The following ZFHX3 variants were observed in gnomAD, a reference collection of about 807,000 sequenced individuals.
ZFHX3 encodes zinc finger homeobox 3.
A neutral mutation model predicts 279.1 loss-of-function variants in ZFHX3; 42 were observed. The ratio of observed to expected loss-of-function variants is 0.15; its 90% CI spans 0.12 to 0.19. ZFHX3 has a LOEUF of 0.19. Ranked by LOEUF, ZFHX3 falls within the 10% of genes least tolerant of loss-of-function variation. ZFHX3 has a pLI of 1.00. For missense variants in ZFHX3, 4,981 were observed against 4,754.0 expected, an observed-to-expected ratio of 1.05 and a Z score of -1.40; for synonymous variants, 2,293 against 1,957.8, an observed-to-expected ratio of 1.17 and a Z score of -4.52.
chr16:73,104,647 G>A (rs1597157847), intron 7 of ZFHX3, among the ~76,000 whole-genome samples: 2 of 152,274 alleles, frequency 1.3e-5, no homozygotes, highest in Admixed American at 6.5e-5. Flanking sequence ...TAGTTCACAG[G>A]CTTAGCTGTA....
At chr16:73,094,871 G>C (rs912701405) in intron 7 of ZFHX3, among the ~76,000 whole-genome samples, 1 of 151,970 alleles carries the variant, frequency 6.6e-6, no homozygotes, top group East Asian at 1.9e-4. Context: ...CGTCATGTCC[G>C]GCTAATTTTT....
At chr16:72,906,963 G>A (rs998638132) in intron 3 of ZFHX3, among the ~76,000 whole-genome samples, 1 of 152,218 alleles carries the variant, frequency 6.6e-6, no homozygotes, top group Non-Finnish European at 1.5e-5. Flanking sequence ...CATGCTACAA[G>A]TTTTTATGTG....
chr16:72,886,523 C>A (rs979570039), intron 4 of ZFHX3, among the ~76,000 whole-genome samples: 4 of 152,118 alleles, frequency 2.6e-5, no homozygotes, highest in Non-Finnish European at 5.9e-5. Context: ...GGTGAAATGG[C>A]AGCTGTACAC....
chr16:73,884,118 T>C (rs1206375521), intron 1 of ZFHX3, among the ~76,000 whole-genome samples: 2 of 152,206 alleles, frequency 1.3e-5, no homozygotes, highest in Non-Finnish European at 2.9e-5. Flanking sequence ...AGAGCTTGCA[T>C]ATTTTTATAC....
At chr16:73,580,129 T>C (rs1269460588) in intron 2 of ZFHX3, among the ~76,000 whole-genome samples, 1 of 151,620 alleles carries the variant, frequency 6.6e-6, no homozygotes, top group African/African-American at 2.4e-5. Flanking sequence ...CTTAAAATAG[T>C]GATCATATAA....
intron 5 of ZFHX3, among the ~76,000 whole-genome samples, chr16:73,169,638 G>A (rs143923684): frequency 5.3e-5 from 8 of 150,948 alleles, no homozygotes; most frequent in African/African-American, 1.7e-4. Flanking sequence ...CAGCCTGGGC[G>A]ACAGAGTGAG....
chr16:73,046,803 C>A (rs948570234), intron 1 of ZFHX3, among the ~76,000 whole-genome samples: 39 of 151,620 alleles, frequency 2.6e-4, no homozygotes, highest in African/African-American at 8.5e-4. Flanking sequence ...GAAGGAGAGG[C>A]CTTCCTTCTG....
intron 3 of ZFHX3, among the ~76,000 whole-genome samples, chr16:73,445,740 T>TGCCTGTGCCTGCGGTAGGCAGGAAGCA (rs2018175815): frequency 6.6e-6 from 1 of 152,218 alleles, no homozygotes; most frequent in African/African-American, 2.4e-5. Flanking sequence ...GCTGCTGCAC[T>TGCCTGTGCCTGCGGTAGGCAGGAAGCA]GCCTGTGCCT....
chr16:73,717,926 T>C (rs1022136942), intron 1 of ZFHX3, among the ~76,000 whole-genome samples: 3 of 152,214 alleles, frequency 2.0e-5, no homozygotes, highest in African/African-American at 7.2e-5. Context: ...CAGCCATCAC[T>C]ATGCAGAATG....
chr16:73,599,059 C>T (rs1453887269), intron 2 of ZFHX3, among the ~76,000 whole-genome samples: 1 of 152,230 alleles, frequency 6.6e-6, no homozygotes, highest in Non-Finnish European at 1.5e-5. Context: ...CCACGCCCGG[C>T]CTTTGAATAC....
chr16:73,099,236 C>G (rs1966201939), intron 7 of ZFHX3: 1 of 152,138 alleles, frequency 6.6e-6, no homozygotes. Context: ...CTATTGTATC[C>G]TCTTATCTAT....
chr16:73,455,220 C>G (rs1022576481), intron 3 of ZFHX3, among the ~76,000 whole-genome samples: 1 of 152,168 alleles, frequency 6.6e-6, no homozygotes, highest in Non-Finnish European at 1.5e-5. Context: ...GCATTTAGTT[C>G]ATAAAAATAG....
chr16:72,797,070 C>T lies in ZFHX3; in HGVS notation c.5612G>A (p.Ser1871Asn). 1 of 1,613,950 alleles carries T rather than the reference C, an allele frequency of 6.2e-7. No homozygotes were observed. The highest frequency in any genetic ancestry group is 8.5e-7 in the Non-Finnish European group (1 of 1,180,008). ...AQSHSALLQP[S>N]QHPEKKNKLV... Reference sequence around the variant, plus strand: ...TTTGTTCTTCTTTTCGGGGTGCTGGCTTGGCTGAAGGAGGGCAGAGTGACT... The same window carrying T: ...TTTGTTCTTCTTTTCGGGGTGCTGGTTTGGCTGAAGGAGGGCAGAGTGACT... Residue 1871 changes from serine (S) to asparagine (N), a missense_variant, in exon 9 of 10, where the codon AGC becomes AAC. This residue lies in a region of ZFHX3 where 1,751 missense variants were observed against 1,770.0 expected (regional missense o/e 0.99). Coordinates refer to ENST00000268489, the MANE Select transcript of ZFHX3 (RefSeq NM_006885.4).
chr16:73,821,754 G>T (rs1238897716), intron 1 of ZFHX3, among the ~76,000 whole-genome samples: 4 of 152,182 alleles, frequency 2.6e-5, no homozygotes, highest in Non-Finnish European at 4.4e-5. Context: ...CCCTCCTGCA[G>T]CCTACAGCAG....
intron 5 of ZFHX3, among the ~76,000 whole-genome samples, chr16:73,156,114 C>T (rs921484628): frequency 5.9e-5 from 9 of 151,298 alleles, no homozygotes; most frequent in Non-Finnish European, 1.0e-4. Flanking sequence ...TGCCTGTAGT[C>T]CCAGCTACTT....
intron 2 of ZFHX3, among the ~76,000 whole-genome samples, chr16:73,643,139 A>G (rs926405240): frequency 1.4e-4 from 22 of 152,220 alleles, no homozygotes; most frequent in African/African-American, 4.8e-4. Context: ...AACTAAAACA[A>G]TATTTTAGGC....
intron 2 of ZFHX3, among the ~76,000 whole-genome samples, chr16:73,655,773 C>CA (rs1294147374): frequency 1.2e-4 from 18 of 151,906 alleles, no homozygotes; most frequent in South Asian, 2.1e-4. Flanking sequence ...GAGTATAAAA[C>CA]AAAAAAACCA....
intron 3 of ZFHX3, among the ~76,000 whole-genome samples, chr16:73,385,316 G>C (rs1388985009): frequency 6.6e-6 from 1 of 152,166 alleles, no homozygotes; most frequent in African/African-American, 2.4e-5. Flanking sequence ...CTTTCCGTCT[G>C]ACTGTGGCTG....
chr16:73,585,586 T>G (rs2143831456), intron 2 of ZFHX3, among the ~76,000 whole-genome samples: 1 of 152,144 alleles, frequency 6.6e-6, no homozygotes, highest in East Asian at 1.9e-4. Flanking sequence ...ATCCAGCACA[T>G]GTATCCCAGA....
Sources: allele counts gnomAD v4.1 joint callset (sites outside exome capture counted in the v4.1 genomes callset), GRCh38; gene constraint gnomAD v4.1.1; regional missense constraint gnomAD v4.1.1; transcripts MANE v1.5; gene names NCBI Gene and HGNC (gene_info 2026-07-23, HGNC 2026-07-21).